Variants in DLG2 observed in about 807,000 individuals in gnomAD.
DLG2 encodes the protein discs large MAGUK scaffold protein 2, also known as disks large homolog 2.
DLG2 carries 45 observed loss-of-function variants against 132.5 expected under a neutral mutation model. The observed-to-expected ratio is 0.34, with a 90% CI of 0.27 to 0.44. The LOEUF (loss-of-function observed/expected upper bound fraction) is 0.44, where lower values mean the gene tolerates loss of function less well. Ranked by LOEUF, DLG2 falls within the 20% of genes least tolerant of loss-of-function variation. The pLI, the probability that DLG2 is intolerant of heterozygous loss-of-function variation, is 1.00. For missense variants in DLG2, 1,045 were observed against 1,196.9 expected (o/e 0.87, Z 1.87); for synonymous variants, 424 against 419.6 (o/e 1.01, Z -0.13).
At chr11:84,813,347 C>T (rs991056466) in intron 6 of DLG2, among the ~76,000 whole-genome samples, 5 of 151,966 alleles carry the variant, frequency 3.3e-5, no homozygotes, top group African/African-American at 1.2e-4. Context: ...ATAGCAACCC[C>T]TTGAGAAATG....
chr11:85,622,547 T>A (rs1057004583), intron 2 of DLG2, among the ~76,000 whole-genome samples: 4 of 150,182 alleles, frequency 2.7e-5, no homozygotes, highest in African/African-American at 9.8e-5. Context: ...GGAGCCATAA[T>A]GTGCAGGAAA....
intron 18 of DLG2, among the ~76,000 whole-genome samples, chr11:83,635,270 G>T (rs1435591913): frequency 6.6e-6 from 1 of 152,118 alleles, no homozygotes; most frequent in Non-Finnish European, 1.5e-5. Context: ...ATAAAGATAC[G>T]ATACTGTATG....
At chr11:84,074,925 G>A (rs981510445) in intron 10 of DLG2, among the ~76,000 whole-genome samples, 1 of 152,076 alleles carries the variant, frequency 6.6e-6, no homozygotes, top group Non-Finnish European at 1.5e-5. Context: ...AAAACCCAAA[G>A]CCCTTACCTG....
chr11:84,985,068 C>T (rs1212136340), intron 6 of DLG2, among the ~76,000 whole-genome samples: 1 of 152,178 alleles, frequency 6.6e-6, no homozygotes, highest in Non-Finnish European at 1.5e-5. Context: ...CTAGACAGAT[C>T]ATCAAGACAG....
chr11:84,373,268 A>AAAAAAAAAAAAAC (rs1567449347), intron 7 of DLG2, among the ~76,000 whole-genome samples: 30 of 135,732 alleles, frequency 2.2e-4, no homozygotes, highest in Non-Finnish European at 3.9e-4. Context: ...AAAAAAACAA[A>AAAAAAAAAAAAAC]ACAAAAAAAA....
At position 84,329,400 on chromosome 11, in the gene DLG2, G is replaced by A. The variant is rs2098448339; in HGVS notation, c.520-78109C>T. Among the ~76,000 whole-genome samples the A allele has an allele frequency of 1.3e-5, 2 of 152,038 alleles. 1 individual carries two copies. Among genetic ancestry groups the A allele is most frequent in the Admixed American group, 1.3e-4 (2 of 15,274 alleles). On this transcript the variant is annotated intron_variant, in intron 7 of 27. Coordinates refer to ENST00000376104, the MANE Select transcript of DLG2 (RefSeq NM_001142699.3). ...TGGTGGGGGGTAACTGAATCATGGG[G>A]GCAGCTACTTTCATACTGTCCCTGT...
At chr11:84,869,927 C>T (rs1452879309) in intron 6 of DLG2, among the ~76,000 whole-genome samples, 1 of 152,134 alleles carries the variant, frequency 6.6e-6, no homozygotes, top group Non-Finnish European at 1.5e-5. Context: ...TTCCGTTTGG[C>T]AGAAAATATG....
chr11:83,647,295 C>G (rs1257771838), intron 18 of DLG2, among the ~76,000 whole-genome samples: 1 of 152,024 alleles, frequency 6.6e-6, no homozygotes, highest in Non-Finnish European at 1.5e-5. Flanking sequence ...GTATGTCTCA[C>G]AATTCACTAA....
At chr11:84,373,322 C>T (rs993075692) in intron 7 of DLG2, among the ~76,000 whole-genome samples, 16 of 146,510 alleles carry the variant, frequency 1.1e-4, no homozygotes, top group African/African-American at 4.1e-4. Flanking sequence ...GTAATCCCAG[C>T]ACTTTGGGAG....
At chr11:85,134,828 C>T (rs1480185413) in intron 5 of DLG2, among the ~76,000 whole-genome samples, 1 of 152,056 alleles carries the variant, frequency 6.6e-6, no homozygotes, top group Non-Finnish European at 1.5e-5. Flanking sequence ...TAAAAACCTT[C>T]AAAAGTGGCT....
At chr11:84,422,870 T>C (rs191647929) in intron 7 of DLG2, among the ~76,000 whole-genome samples, 21 of 152,312 alleles carry the variant, frequency 1.4e-4, no homozygotes, top group African/African-American at 5.1e-4. Flanking sequence ...AGGTACTTAG[T>C]TGAAATTAAA....
chr11:83,904,481 A>C (rs888086795), intron 15 of DLG2, among the ~76,000 whole-genome samples: 2 of 152,180 alleles, frequency 1.3e-5, no homozygotes, highest in African/African-American at 4.8e-5. Context: ...GATCTTATAA[A>C]ACATCAGATC....
chr11:85,263,240 G>A (rs2077035688), intron 4 of DLG2, among the ~76,000 whole-genome samples: 1 of 152,186 alleles, frequency 6.6e-6, no homozygotes, highest in Admixed American at 6.5e-5. Context: ...AGGTACAAGA[G>A]GAAAAGGTTC....
intron 10 of DLG2, among the ~76,000 whole-genome samples, chr11:84,059,937 A>G (rs1022407749): frequency 2.0e-5 from 3 of 152,232 alleles, no homozygotes; most frequent in African/African-American, 7.2e-5. Flanking sequence ...TACTAGTTAT[A>G]AAAGTAATAA....
chr11:85,018,266 A>G lies in DLG2; in HGVS notation c.357+93395T>C, dbSNP rs756691744. The stretch of plus-strand genomic sequence containing the variant: ...AGACAGCTATTTAGGATTCTTCCTC[A>G]CTTATCAATTAAAAGAACCATGAAA... On this transcript the variant is annotated intron_variant, in intron 6 of 27. Transcript: ENST00000376104. Among the ~76,000 whole-genome samples, 50 of 152,188 alleles carry G rather than the reference A, an allele frequency of 3.3e-4. 1 individual carries two copies. The highest frequency in any genetic ancestry group is 6.5e-5 in the Admixed American group (1 of 15,268).
At chr11:85,526,845 C>A (rs1041797867) in intron 3 of DLG2, among the ~76,000 whole-genome samples, 2 of 151,912 alleles carry the variant, frequency 1.3e-5, no homozygotes, top group African/African-American at 2.4e-5. Flanking sequence ...AAAAAAGGGG[C>A]CCAACATAAA....
chr11:84,352,721 C>A (rs2098586040), intron 7 of DLG2, among the ~76,000 whole-genome samples: 1 of 152,086 alleles, frequency 6.6e-6, no homozygotes, highest in East Asian at 1.9e-4. Flanking sequence ...TGGTAATATT[C>A]CCCGAAATTC....
chr11:84,908,768 T>C (rs2091794163), intron 6 of DLG2, among the ~76,000 whole-genome samples: 1 of 151,536 alleles, frequency 6.6e-6, no homozygotes, highest in African/African-American at 2.4e-5. Flanking sequence ...GATGCTAATG[T>C]CTATCATATA....
intron 14 of DLG2, among the ~76,000 whole-genome samples, chr11:83,945,542 G>C (rs1480439571): frequency 6.6e-6 from 1 of 152,142 alleles, no homozygotes; most frequent in East Asian, 1.9e-4. Flanking sequence ...GCAAGATAGA[G>C]CCTATTATTA....
Sources: gnomAD v4.1 joint callset for allele counts (sites outside exome capture counted in the v4.1 genomes callset) on GRCh38, gnomAD v4.1.1 for gene constraint, MANE v1.5 for transcripts, NCBI Gene and HGNC (gene_info 2026-07-23, HGNC 2026-07-21) for gene names.